Variants in CSMD3 observed in about 807,000 individuals in gnomAD.
The protein encoded by CSMD3 is CUB and sushi domain-containing protein 3.
CSMD3 carries 177 observed loss-of-function variants against 435.2 expected under a neutral mutation model. The observed-to-expected ratio is 0.41, with a 90% CI of 0.36 to 0.46. The LOEUF (loss-of-function observed/expected upper bound fraction) is 0.46, where lower values mean the gene tolerates loss of function less well. Among genes scored for constraint, CSMD3 ranks in the 20% least tolerant of loss-of-function variants. CSMD3 has a pLI of 0.34. For missense variants in CSMD3, 4,265 were observed against 4,504.6 expected (o/e 0.95, Z 1.52); for synonymous variants, 1,656 against 1,520.5 (o/e 1.09, Z -2.07).
intron 3 of CSMD3, among the ~76,000 whole-genome samples, chr8:113,258,501 A>T (rs80179213): frequency 6.6e-6 from 1 of 152,178 alleles, no homozygotes. Flanking sequence ...CCAATTGGAT[A>T]TAAGTAGAAG....
chr8:112,958,307 CA>C (rs1192403746), intron 7 of CSMD3, among the ~76,000 whole-genome samples: 4 of 152,080 alleles, frequency 2.6e-5, no homozygotes. Flanking sequence ...AATTTTTAAT[CA>C]TTTTTAAAAT....
At chr8:112,294,477 G>T (rs1245111673) in intron 54 of CSMD3, among the ~76,000 whole-genome samples, 2 of 152,090 alleles carry the variant, frequency 1.3e-5, no homozygotes, top group African/African-American at 2.4e-5. Flanking sequence ...TAAGAAAAAT[G>T]TAGTTGACTT....
intron 41 of CSMD3, among the ~76,000 whole-genome samples, chr8:112,345,051 C>T (rs1430906168): frequency 2.0e-5 from 3 of 151,996 alleles, no homozygotes; most frequent in South Asian, 4.2e-4. Context: ...CCATACATAG[C>T]GACTGAAAAA....
intron 63 of CSMD3, among the ~76,000 whole-genome samples, chr8:112,250,051 C>A (rs1018706285): frequency 6.6e-6 from 1 of 152,014 alleles, no homozygotes; most frequent in Non-Finnish European, 1.5e-5. Context: ...TAACGTCTAT[C>A]AGTTCTTAAA....
intron 48 of CSMD3, among the ~76,000 whole-genome samples, 158 bp from the exon 49 acceptor site, chr8:112,314,210 G>A (rs1052889350): frequency 6.6e-6 from 1 of 151,910 alleles, no homozygotes; most frequent in African/African-American, 2.4e-5. Flanking sequence ...TTTGTTTTAA[G>A]CATTTTAATT....
intron 13 of CSMD3, among the ~76,000 whole-genome samples, chr8:112,768,794 T>G (rs2078042148): frequency 6.6e-6 from 1 of 152,042 alleles, no homozygotes; most frequent in East Asian, 1.9e-4. Flanking sequence ...GTGTTTATTA[T>G]GGGTAACTCC....
chr8:112,419,028 A>C (rs1372597862), intron 32 of CSMD3, among the ~76,000 whole-genome samples: 1 of 152,190 alleles, frequency 6.6e-6, no homozygotes, highest in African/African-American at 2.4e-5. Context: ...AAAATCCAAA[A>C]TAATTGGACA....
In CSMD3 at chr8:112,549,477, G is replaced by C. The variant is rs534869671; in HGVS notation, c.4564+1194C>G. Among the ~76,000 whole-genome samples, 7 of 152,104 alleles carry C rather than the reference G, an allele frequency of 4.6e-5. No homozygotes were observed. The South Asian group carries it at 1.5e-3, about 32-fold the overall frequency. ...ATATAGTACAAAATAATTTGTTTGT[G>C]TTAGTAGGGAGAATAATTGTGTTCC... On this transcript the variant is annotated intron_variant, in intron 27 of 70. Coordinates refer to ENST00000297405, the MANE Select transcript of CSMD3 (RefSeq NM_198123.2).
chr8:112,765,134 C>A (rs2077944912), intron 13 of CSMD3, among the ~76,000 whole-genome samples: 1 of 151,268 alleles, frequency 6.6e-6, no homozygotes, highest in Non-Finnish European at 1.5e-5. Context: ...CGGGGAGTCA[C>A]TAAAAGTAAA....
intron 6 of CSMD3, among the ~76,000 whole-genome samples, chr8:113,012,885 AT>A (rs1385082217): frequency 6.6e-6 from 1 of 152,070 alleles, no homozygotes; most frequent in Non-Finnish European, 1.5e-5. Context: ...CCTTAGAATC[AT>A]AAATACAACT....
intron 41 of CSMD3, among the ~76,000 whole-genome samples, chr8:112,344,466 T>G (rs1367444422): frequency 6.6e-6 from 1 of 152,196 alleles, no homozygotes; most frequent in African/African-American, 2.4e-5. Context: ...ATCTGTTAAT[T>G]TATGTAAAAC....
At chr8:112,803,656 A>G (rs2079012233) in intron 12 of CSMD3, among the ~76,000 whole-genome samples, 2 of 152,208 alleles carry the variant, frequency 1.3e-5, no homozygotes, top group Non-Finnish European at 2.9e-5. Context: ...AAATAAGCCA[A>G]AAAGTCATAT....
chr8:112,699,781 T>C (rs1214502405), intron 13 of CSMD3, among the ~76,000 whole-genome samples: 2 of 152,204 alleles, frequency 1.3e-5, no homozygotes, highest in East Asian at 3.9e-4. Flanking sequence ...ATATTGTATG[T>C]ACCCAAATTG....
intron 13 of CSMD3, among the ~76,000 whole-genome samples, 163 bp from the exon 14 acceptor site, chr8:112,690,213 T>C (rs2076101372): frequency 6.6e-6 from 1 of 151,796 alleles, no homozygotes; most frequent in Admixed American, 6.6e-5. Flanking sequence ...ACAGGCATGA[T>C]AAAATGATCT....
At chr8:112,438,767 G>A (rs145200016) in intron 32 of CSMD3, among the ~76,000 whole-genome samples, 154 of 152,196 alleles carry the variant, frequency 1.0e-3, no homozygotes, top group African/African-American at 3.4e-3. Flanking sequence ...ACTCATAAAA[G>A]GGTAGTTAGC....
intron 11 of CSMD3, among the ~76,000 whole-genome samples, chr8:112,839,753 T>TA (rs200646501): frequency 6.6e-6 from 1 of 151,566 alleles, no homozygotes; most frequent in Non-Finnish European, 1.5e-5. Context: ...TATTTTTATA[T>TA]AAAAAAACTT....
intron 4 of CSMD3, among the ~76,000 whole-genome samples, chr8:113,117,713 A>G (rs1311220621): frequency 2.0e-5 from 3 of 152,234 alleles, no homozygotes; most frequent in Non-Finnish European, 4.4e-5. Flanking sequence ...CAAGGGTCAG[A>G]GCTGCCCAAG....
chr8:113,243,219 T>C (rs1796243677), intron 3 of CSMD3, among the ~76,000 whole-genome samples: 1 of 152,010 alleles, frequency 6.6e-6, no homozygotes, highest in Non-Finnish European at 1.5e-5. Context: ...CCACACATTC[T>C]TTCTTTAAAA....
At chr8:113,246,080 CTTGAGT>C (rs2093273245) in intron 3 of CSMD3, among the ~76,000 whole-genome samples, 1 of 151,810 alleles carries the variant, frequency 6.6e-6, no homozygotes, top group Non-Finnish European at 1.5e-5. Flanking sequence ...TGCTTGTCTC[CTTGAGT>C]TTATCTTACT....
Sources: gnomAD v4.1 joint callset for allele counts (sites outside exome capture counted in the v4.1 genomes callset) on GRCh38, gnomAD v4.1.1 for gene constraint, MANE v1.5 for transcripts, NCBI Gene and HGNC (gene_info 2026-07-23, HGNC 2026-07-21) for gene names.